The following SLC39A12 variants were observed in gnomAD, a reference collection of about 807,000 sequenced individuals.
SLC39A12 encodes zinc transporter ZIP12.
A neutral mutation model predicts 71.1 loss-of-function variants in SLC39A12; 63 were observed. The observed-to-expected ratio is 0.89, with a 90% CI of 0.72 to 1.09. SLC39A12 has a LOEUF of 1.09. Among genes scored for constraint, SLC39A12 ranks in the 50% least tolerant of loss-of-function variants. The pLI is 0.00. For missense variants in SLC39A12, 892 were observed against 812.6 expected, an observed-to-expected ratio of 1.10 and a Z score of -1.19; for synonymous variants, 351 against 301.3, an observed-to-expected ratio of 1.16 and a Z score of -1.71.
intron 12 of SLC39A12, among the ~76,000 whole-genome samples, chr10:18,036,807 A>T (rs1239424960): frequency 1.3e-3 from 74 of 56,994 alleles, no homozygotes; most frequent in East Asian, 2.9e-3. Flanking sequence ...TTTTTTTTTA[A>T]TGGAATCTCA....
chr10:17,998,992 A>T (rs144201095), intron 10 of SLC39A12, among the ~76,000 whole-genome samples: 229 of 150,938 alleles, frequency 1.5e-3, no homozygotes, highest in African/African-American at 5.2e-3. Flanking sequence ...TAGAATTTTT[A>T]TTGAGCACAA....
At position 18,000,798 on chromosome 10, in the gene SLC39A12, T is replaced by C; in HGVS notation, c.1732T>C (p.Leu578=). ...ESGVTTTIAI[L]CHEIPHEMGD... is the part of the protein sequence containing the mutation. ...AGGAGTGACCACTACGATTGCTATC[T>C]TGTGTCATGAAATCCCACATGAAAT... Residue 578 remains leucine (L), a synonymous_variant, in exon 11 of 13, where the codon TTG becomes CTG. Coordinates refer to ENST00000377369, the MANE Select transcript of SLC39A12 (RefSeq NM_001145195.2). The C allele has an allele frequency of 6.2e-7, 1 of 1,614,102 alleles. No homozygotes were observed. The highest frequency in any genetic ancestry group is 8.5e-7 in the Non-Finnish European group (1 of 1,179,970).
chr10:18,009,532 T>TA (rs1316037791), intron 12 of SLC39A12: 1 of 152,254 alleles, frequency 6.6e-6, no homozygotes, highest in African/African-American at 2.4e-5. Flanking sequence ...GGATGCTCTT[T>TA]AAAAACTTCA....
At chr10:17,998,958 A>G (rs1266629988) in intron 10 of SLC39A12, among the ~76,000 whole-genome samples, 2 of 149,646 alleles carry the variant, frequency 1.3e-5, no homozygotes, top group African/African-American at 4.8e-5. Context: ...TAGAATTTTT[A>G]TTGAGCACAA....
chr10:17,981,781 A>G (rs1197749693), intron 6 of SLC39A12, among the ~76,000 whole-genome samples: 1 of 152,196 alleles, frequency 6.6e-6, no homozygotes, highest in African/African-American at 2.4e-5. Flanking sequence ...ACCACGATAC[A>G]TACTACTCTT....
chr10:18,024,614 A>G (rs1443684999), intron 12 of SLC39A12, among the ~76,000 whole-genome samples: 1 of 152,000 alleles, frequency 6.6e-6, no homozygotes, highest in East Asian at 1.9e-4. Context: ...TTGCCACTCT[A>G]TGTCTTCTCT....
At chr10:18,022,059 T>C (rs1301113928) in intron 12 of SLC39A12, among the ~76,000 whole-genome samples, 1 of 152,188 alleles carries the variant, frequency 6.6e-6, no homozygotes, top group Admixed American at 6.5e-5. Context: ...ATGTTTTCTT[T>C]TGTGTTGACC....
chr10:18,004,824 C>G (rs1425125707), intron 12 of SLC39A12, among the ~76,000 whole-genome samples: 1 of 152,068 alleles, frequency 6.6e-6, no homozygotes, highest in East Asian at 1.9e-4. Context: ...GGAATCAACC[C>G]AAGTGCCCAT....
chr10:17,973,788 G>T (rs1265509584), intron 4 of SLC39A12, among the ~76,000 whole-genome samples: 1 of 151,954 alleles, frequency 6.6e-6, no homozygotes, highest in Non-Finnish European at 1.5e-5. Context: ...TTAGGGTTGG[G>T]AAGTTCTCTG....
At chr10:17,983,881 TG>T (rs547301478) in intron 6 of SLC39A12, among the ~76,000 whole-genome samples, 29 of 152,266 alleles carry the variant, frequency 1.9e-4, no homozygotes, top group African/African-American at 6.7e-4. Flanking sequence ...AAAAGTTCTT[TG>T]GAAATTATAG....
chr10:18,024,397 G>A (rs1170042223), intron 12 of SLC39A12, among the ~76,000 whole-genome samples: 2 of 152,152 alleles, frequency 1.3e-5, no homozygotes, highest in Non-Finnish European at 1.5e-5. Flanking sequence ...GCCCAGGGTT[G>A]CATAGGTCCA....
intron 4 of SLC39A12, among the ~76,000 whole-genome samples, chr10:17,976,732 T>A (rs533138231): frequency 6.6e-6 from 1 of 152,214 alleles, no homozygotes; most frequent in South Asian, 2.1e-4. Flanking sequence ...TCCTCAAGAT[T>A]TTATCTTTGA....
intron 3 of SLC39A12, among the ~76,000 whole-genome samples, chr10:17,963,636 G>C (rs1412241311): frequency 1.3e-5 from 2 of 152,162 alleles, no homozygotes; most frequent in African/African-American, 4.8e-5. Context: ...AACTGGACTA[G>C]GATTCTCTAG....
chr10:17,972,210 C>A (rs540844107), intron 4 of SLC39A12, among the ~76,000 whole-genome samples: 1 of 152,124 alleles, frequency 6.6e-6, no homozygotes, highest in East Asian at 1.9e-4. Flanking sequence ...GATGTTATTT[C>A]AATTTTTTAA....
At chr10:17,997,194 A>C (rs1007193230) in intron 10 of SLC39A12, among the ~76,000 whole-genome samples, 2 of 152,340 alleles carry the variant, frequency 1.3e-5, no homozygotes, top group Non-Finnish European at 1.5e-5. Flanking sequence ...TATGCAGTGA[A>C]GAATAAAATA....
At position 17,953,230 on chromosome 10, in the gene SLC39A12, ACACT is replaced by A. The variant is rs782553564; in HGVS notation, c.-43_-40del. On this transcript the variant is annotated 5_prime_UTR_variant, in exon 2 of 13. Coordinates refer to ENST00000377369, the MANE Select transcript of SLC39A12 (RefSeq NM_001145195.2). ...ACAAGTTTACCCCATAAACGGCAACACACTCACCTCCATCCAAGACAGACTCAAG... is the reference window on the plus strand; with the variant it reads ...ACAAGTTTACCCCATAAACGGCAACACACCTCCATCCAAGACAGACTCAAG... 20 of 1,584,880 alleles carry A rather than the reference ACACT, an allele frequency of 1.3e-5. No individual in the cohort carries two copies. In the South Asian group the frequency reaches 1.4e-4, roughly 11 times the overall value.
intron 12 of SLC39A12, among the ~76,000 whole-genome samples, chr10:18,028,547 C>T (rs1323836338): frequency 6.9e-6 from 1 of 144,404 alleles, no homozygotes; most frequent in African/African-American, 2.9e-5. Context: ...GATCATCCTT[C>T]TTTGTGACAG....
chr10:17,952,284 C>A (rs185360114), intron 1 of SLC39A12, among the ~76,000 whole-genome samples: 40 of 140,044 alleles, frequency 2.9e-4, no homozygotes, highest in Non-Finnish European at 5.0e-4. Flanking sequence ...AGTCATCCCC[C>A]ACTCCTTTAG....
intron 12 of SLC39A12, among the ~76,000 whole-genome samples, chr10:18,039,764 A>G (rs988426187): frequency 1.3e-5 from 2 of 152,220 alleles, no homozygotes; most frequent in African/African-American, 2.4e-5. Context: ...ATTCCCATGT[A>G]TGTACCTTGT....
Sources: gnomAD v4.1 joint callset for allele counts (sites outside exome capture counted in the v4.1 genomes callset) on GRCh38, gnomAD v4.1.1 for gene constraint, MANE v1.5 for transcripts, NCBI Gene and HGNC (gene_info 2026-07-23, HGNC 2026-07-21) for gene names.